KCNAB2: variants seen among roughly 807,000 people sequenced by gnomAD.
KCNAB2 encodes the protein potassium voltage-gated channel subfamily A regulatory beta subunit 2, also known as voltage-gated potassium channel subunit beta-2.
In KCNAB2, 29 loss-of-function variants were observed where a neutral mutation model predicts 63.6. The ratio of observed to expected loss-of-function variants is 0.46; its 90% CI spans 0.34 to 0.62. The LOEUF is 0.62. Among genes scored for constraint, KCNAB2 ranks in the 20% least tolerant of loss-of-function variants. KCNAB2 has a pLI of 0.01. For synonymous variants in KCNAB2, 222 were observed against 224.2 expected (o/e 0.99, Z 0.09); for missense variants, 359 against 563.9 (o/e 0.64, Z 3.68).
rs1014923617 is a variant in KCNAB2, at chr1:6,003,417, C to A, written c.-53+10629C>A. Among the ~76,000 whole-genome samples, 26 of 152,360 alleles carry A rather than the reference C, an allele frequency of 1.7e-4. No homozygotes were observed. Among genetic ancestry groups the A allele is most frequent in the Admixed American group, 1.2e-3 (18 of 15,314 alleles). ...CACTCGCTCGCTCGGCTGCCTTCAG[C>A]CCCTGCAGACACGCAGGCACCGTCC... On this transcript the variant is annotated intron_variant, in intron 1 of 16. Coordinates refer to the KCNAB2 transcript ENST00000341524. This position sits in a 1 kb window ranked among gnomAD's most constrained non-coding sequence, Gnocchi z 4.1.
rs958909371 is a variant in KCNAB2, at chr1:6,040,447, C to T, written c.-52-70C>T. The T allele has an allele frequency of 6.0e-6, 5 of 835,372 alleles. No homozygotes were observed. The African/African-American group carries it at 6.7e-5, about 11-fold the overall frequency. The allele number at this position is 835,372 out of a possible 1,614,324, so 51.7% of individuals were successfully genotyped here. A position where few individuals can be genotyped will look rare whatever the true frequency, so the allele number is the denominator to read the frequency against. On this transcript the variant is annotated intron_variant, in intron 1 of 15. Transcript: ENST00000164247. ...CTCAGCCTTTGTGATCCCAGAGTCTCCCGGCCAAACCTGGTTGATCTTTTT... is the reference window on the plus strand; with the variant it reads ...CTCAGCCTTTGTGATCCCAGAGTCTTCCGGCCAAACCTGGTTGATCTTTTT...
At chr1:6,060,234 G>A (rs902572667) in intron 2 of KCNAB2, among the ~76,000 whole-genome samples, 2 of 152,160 alleles carry the variant, frequency 1.3e-5, no homozygotes, top group African/African-American at 4.8e-5. Flanking sequence ...CATACTCCTG[G>A]GCACCGCTGA....
rs939443421 is a variant in KCNAB2 at position 6,071,918 on chromosome 1, A to G, written c.219-837A>G. Among the ~76,000 whole-genome samples, 2 of 151,818 alleles carry G rather than the reference A, an allele frequency of 1.3e-5. No homozygotes were observed. The highest frequency in any genetic ancestry group is 4.8e-5 in the African/African-American group (2 of 41,300). ...CCTCCTGCCGCGTAGGGCTCCCGGGAGGATCCGGGGACAGGATGCCTGGGG... is the reference window on the plus strand; with the variant it reads ...CCTCCTGCCGCGTAGGGCTCCCGGGGGGATCCGGGGACAGGATGCCTGGGG... On this transcript the variant is annotated intron_variant, in intron 2 of 15. Coordinates refer to ENST00000378083, the MANE Select transcript of KCNAB2 (RefSeq NM_001199862.2). This position sits in a 1 kb window ranked among gnomAD's most constrained non-coding sequence, Gnocchi z 8.5.
chr1:6,093,520 T>C (rs1665362952), intron 10 of KCNAB2, among the ~76,000 whole-genome samples: 1 of 152,248 alleles, frequency 6.6e-6, no homozygotes, highest in Non-Finnish European at 1.5e-5. Flanking sequence ...GGGTCCCTCC[T>C]CTCTTCTTTA....
intron 1 of KCNAB2, among the ~76,000 whole-genome samples, chr1:6,010,701 G>T (rs1658098629): frequency 6.6e-6 from 1 of 152,250 alleles, no homozygotes; most frequent in Non-Finnish European, 1.5e-5. Flanking sequence ...AAATGGGGAA[G>T]CCCAGGGTGG....
chr1:5,994,171 G>A lies in KCNAB2; in HGVS notation c.-53+1383G>A, dbSNP rs1045155772. 6.6e-6 allele frequency among the ~76,000 whole-genome samples: 1 copy of A among 151,940 alleles called. No homozygotes were observed. Among genetic ancestry groups the A allele is most frequent in the African/African-American group, 2.4e-5 (1 of 41,338 alleles). On this transcript the variant is annotated intron_variant, in intron 1 of 16. Transcript: ENST00000341524. This position sits in a 1 kb window ranked among gnomAD's most constrained non-coding sequence, Gnocchi z 5.4. ...TCTTTCTCTGCAACTTCTCCTCCCC[G>A]ACAAAAACCCCAGCCTCACCCCTCC...
intron 2 of KCNAB2, among the ~76,000 whole-genome samples, chr1:6,040,861 A>C (rs1031945761): frequency 1.3e-5 from 2 of 152,224 alleles, no homozygotes; most frequent in African/African-American, 4.8e-5. Flanking sequence ...AGAAAAACCA[A>C]AACTTTTCCA....
In KCNAB2 at chr1:6,011,343, C is replaced by T. The variant is rs1287414761; in HGVS notation, c.-53+18555C>T. Among the ~76,000 whole-genome samples the T allele has an allele frequency of 9.8e-5, 13 of 132,972 alleles. No individual in the cohort carries two copies. The East Asian group carries it at 2.4e-3, about 25-fold the overall frequency. 87.2% of individuals were successfully genotyped at this position (132,972 alleles called of 152,430 possible). On this transcript the variant is annotated intron_variant, in intron 1 of 16. Coordinates refer to the KCNAB2 transcript ENST00000341524. ...GCCAAGTGTGCGGGAGACAGGCAGGCGGCTGTGCCCAGGGCCAGGTGTGCG... is the reference window on the plus strand; with the variant it reads ...GCCAAGTGTGCGGGAGACAGGCAGGTGGCTGTGCCCAGGGCCAGGTGTGCG...
intron 2 of KCNAB2, among the ~76,000 whole-genome samples, chr1:6,056,881 A>G (rs1242111578): frequency 6.6e-6 from 1 of 151,714 alleles, no homozygotes; most frequent in African/African-American, 2.4e-5. Context: ...CACCCACTCT[A>G]AACAAGCACC....
chr1:6,046,089 G>T lies in KCNAB2; in HGVS notation c.-121G>T. The T allele has an allele frequency of 1.0e-6, 1 of 985,394 alleles. No homozygotes were observed. The highest frequency in any genetic ancestry group is 1.2e-6 in the Non-Finnish European group (1 of 829,924). 61.0% of individuals were successfully genotyped at this position (985,394 alleles called of 1,614,324 possible). ...ACGTCCTGCAGTGACACTCCCTAAT[G>T]AAAAAGCCGCTGTGCCAGATCCTTA... On this transcript the variant is annotated 5_prime_UTR_variant, in exon 1 of 16. An upstream start codon of the reference 5' UTR is lost. Coordinates refer to ENST00000378083, the MANE Select transcript of KCNAB2 (RefSeq NM_001199862.2).
rs1462835311 is a variant in KCNAB2, at chr1:6,096,481, G to A, written c.949-155G>A. On this transcript the variant is annotated intron_variant, in intron 13 of 15. Coordinates refer to ENST00000378083, the MANE Select transcript of KCNAB2 (RefSeq NM_001199862.2). This position sits in a 1 kb window ranked among gnomAD's most constrained non-coding sequence, Gnocchi z 5.9. ...CTGCCCACTCTCCCCTACTTGAGAG[G>A]CCTGGGGCAGGGGCACTGCCCTGGC... 2.9e-6 allele frequency: 3 copies of A among 1,031,064 alleles called. No individual in the cohort carries two copies. Among genetic ancestry groups the A allele is most frequent in the African/African-American group, 3.3e-5 (2 of 61,404 alleles). 63.9% of individuals were successfully genotyped at this position (1,031,064 alleles called of 1,614,324 possible).
rs975561756 is a variant in KCNAB2, at chr1:6,097,420, C to T, written c.1158+63C>T. The T allele has an allele frequency of 3.9e-6, 6 of 1,547,416 alleles. No individual in the cohort carries two copies. In the Admixed American group the frequency reaches 7.8e-5, roughly 20 times the overall value. The stretch of plus-strand genomic sequence containing the variant: ...CCAGCCCGAGCCCCGTCCAGTGCAT[C>T]CTCCCAGGCTCGTCCTGCGTGCCAG... On this transcript the variant is annotated intron_variant, in intron 15 of 15. Coordinates refer to ENST00000378083, the MANE Select transcript of KCNAB2 (RefSeq NM_001199862.2).
intron 1 of KCNAB2, among the ~76,000 whole-genome samples, chr1:6,039,202 C>T (rs1203057427): frequency 2.0e-5 from 3 of 152,166 alleles, no homozygotes; most frequent in African/African-American, 7.2e-5. Flanking sequence ...CGCAAGCATC[C>T]GCAGACAGTG....
chr1:6,088,844 T>A (rs1391043017), intron 7 of KCNAB2, among the ~76,000 whole-genome samples, 164 bp from the exon 8 acceptor site: 1 of 148,542 alleles, frequency 6.7e-6, no homozygotes, highest in Non-Finnish European at 1.5e-5. Flanking sequence ...CTCTGGGAGT[T>A]CAGCCCTGTA....
intron 2 of KCNAB2, among the ~76,000 whole-genome samples, chr1:6,063,877 C>A (rs1401607263): frequency 6.6e-6 from 1 of 152,142 alleles, no homozygotes; most frequent in Non-Finnish European, 1.5e-5. Context: ...CGTATGTTTT[C>A]AGTTATTTGA....
chr1:5,998,873 G>GGAGCCAGGACCCC (rs1553209036), intron 1 of KCNAB2, among the ~76,000 whole-genome samples: 6 of 152,358 alleles, frequency 3.9e-5, no homozygotes, highest in Admixed American at 2.0e-4. Flanking sequence ...ACTAGGCGCA[G>GGAGCCAGGACCCC]GAGCCAGGAC....
At position 6,046,623 on chromosome 1, in the gene KCNAB2, G is replaced by A. The variant is rs181046020; in HGVS notation, c.-27+440G>A. On this transcript the variant is annotated intron_variant, in intron 1 of 15. Coordinates refer to ENST00000378083, the MANE Select transcript of KCNAB2 (RefSeq NM_001199862.2). ...AGGAAGCACGTGCTGAGGGAGCCAG[G>A]GGCTGCTTGTTTGGGCCTCAGTTTG... is the stretch of plus-strand genomic sequence containing the variant. Among the ~76,000 whole-genome samples, 42 of 152,368 alleles carry A rather than the reference G, an allele frequency of 2.8e-4. No homozygotes were observed. The East Asian group carries it at 6.6e-3, about 24-fold the overall frequency.
intron 1 of KCNAB2, among the ~76,000 whole-genome samples, chr1:6,051,056 C>G (rs1424142319): frequency 6.6e-6 from 1 of 152,206 alleles, no homozygotes; most frequent in Non-Finnish European, 1.5e-5. Context: ...CGCTGCTTTC[C>G]CAGGGACAGC....
chr1:6,034,075 A>T (rs1295096), upstream of KCNAB2, among the ~76,000 whole-genome samples: 1 of 152,190 alleles, frequency 6.6e-6, no homozygotes, highest in African/African-American at 2.4e-5. Flanking sequence ...CAGGGATCCC[A>T]GGGCCACCCA....
Sources: gnomAD v4.1 joint callset for allele counts (sites outside exome capture counted in the v4.1 genomes callset) on GRCh38, gnomAD v4.1.1 for gene constraint, Gnocchi (gnomAD v3.1) non-coding constraint, MANE v1.5 for transcripts, NCBI Gene and HGNC (gene_info 2026-07-23, HGNC 2026-07-21) for gene names.